The following GLS2 variants were observed in gnomAD, a reference collection of about 807,000 sequenced individuals.
GLS2 encodes the protein glutaminase liver isoform, mitochondrial.
GLS2 carries 52 observed loss-of-function variants against 79.0 expected under a neutral mutation model. That is an observed-to-expected ratio of 0.66 (90% confidence interval 0.53 to 0.83). The LOEUF is 0.83. GLS2 is among the 40% of genes least tolerant of loss of function. GLS2 has a pLI of 0.00. For missense variants in GLS2, 561 were observed against 764.8 expected (o/e 0.73, Z 3.14); for synonymous variants, 238 against 280.8 (o/e 0.85, Z 1.52).
intron 17 of GLS2, 45 bp from the exon 18 acceptor site, chr12:56,471,688 T>A: frequency 6.2e-7 from 1 of 1,611,888 alleles, no homozygotes; most frequent in South Asian, 1.1e-5. Flanking sequence ...ACGTGGAGAG[T>A]GGTGGTTGTA....
rs1187458316 is a variant in GLS2, at chr12:56,473,407, C to T, written c.1356+56G>A. ...TGCTTTATTATAGTAAAAGTGGTAC[C>T]ATTAAACAAATTTATTGCTTCAAAA... On this transcript the variant is annotated intron_variant, in intron 13 of 17. Transcript: ENST00000311966. 2.5e-6 allele frequency: 4 copies of T among 1,602,930 alleles called. No individual in the cohort carries two copies. In the African/African-American group the frequency reaches 4.0e-5, roughly 16 times the overall value.
intron 1 of GLS2, among the ~76,000 whole-genome samples, chr12:56,485,849 C>T (rs1870638289): frequency 6.6e-6 from 1 of 151,700 alleles, no homozygotes. Context: ...TGAGACCAGC[C>T]TGGCCAACAT....
chr12:56,472,821 C>G (rs906384806), intron 14 of GLS2, 70 bp from the exon 15 acceptor site: 9 of 1,282,038 alleles, frequency 7.0e-6, no homozygotes, highest in Non-Finnish European at 1.0e-5. Context: ...TGTGACCCTC[C>G]TCCATGGATG....
chr12:56,480,361 G>A lies in GLS2; in HGVS notation c.209C>T (p.Ser70Phe), dbSNP rs1270986559. Residue 70 changes from serine to phenylalanine, a missense_variant, in exon 2 of 18, where the codon TCC becomes TTC. Around this residue, in one of 4 missense-constraint regions of GLS2, gnomAD observed 161 missense variants for 167.8 expected, o/e 0.96. Coordinates refer to ENST00000311966, the MANE Select transcript of GLS2 (RefSeq NM_013267.4). ...DHDSSESGML[S>F]RLGDLLFYTI... ...GTAAAAGAGCAAATCACCCAGGCGG[G>A]ACAGCATGCCACTTTCTGATGAATC... is the stretch of plus-strand genomic sequence containing the variant. The A allele has an allele frequency of 6.2e-7, 1 of 1,614,168 alleles. No individual in the cohort carries two copies. The highest frequency in any genetic ancestry group is 1.7e-5 in the Admixed American group (1 of 60,024).
Position 56,471,384 on chromosome 12 carries a change from C to A in GLS2, c.*103G>T. Reference sequence around the variant, plus strand: ...AAGTCACCAAATGACTGCTTGGTCCCCACTGAAGCAGTGTAGCTCTCCATA... The same window carrying A: ...AAGTCACCAAATGACTGCTTGGTCCACACTGAAGCAGTGTAGCTCTCCATA... On this transcript the variant is annotated 3_prime_UTR_variant, in exon 18 of 18. Coordinates refer to ENST00000311966, the MANE Select transcript of GLS2 (RefSeq NM_013267.4). The A allele has an allele frequency of 8.0e-7, 1 of 1,249,968 alleles. No homozygotes were observed. Among genetic ancestry groups the A allele is most frequent in the East Asian group, 2.4e-5 (1 of 41,466 alleles). The allele number at this position is 1,249,968 out of a possible 1,614,324, so 77.4% of individuals were successfully genotyped here.
chr12:56,472,380 T>C (rs568883105), intron 15 of GLS2, 185 bp from the exon 16 acceptor site: 2 of 618,370 alleles, frequency 3.2e-6, no homozygotes, highest in Non-Finnish European at 5.7e-6. Flanking sequence ...ATTAGAGAGA[T>C]GGGAATGTGA....
At position 56,471,279 on chromosome 12, in the gene GLS2, A is replaced by G; in HGVS notation, c.*208T>C. 1 of 546,016 alleles carries G rather than the reference A, an allele frequency of 1.8e-6. No individual in the cohort carries two copies. Among genetic ancestry groups the G allele is most frequent in the Non-Finnish European group, 3.2e-6 (1 of 313,774 alleles). The allele number at this position is 546,016 out of a possible 1,614,324, so 33.8% of individuals were successfully genotyped here. A position where few individuals can be genotyped will look rare whatever the true frequency, so the allele number is the denominator to read the frequency against. ...CAGTCTCTCTGGATAGCTGTACTGC[A>G]GGTGTCCTCTGAGGCCCTTCTCTGT... On this transcript the variant is annotated 3_prime_UTR_variant, in exon 18 of 18. Transcript: ENST00000311966.
intron 16 of GLS2, 128 bp downstream of exon 16, chr12:56,471,991 G>A (rs1869318231): frequency 7.8e-7 from 1 of 1,282,044 alleles, no homozygotes; most frequent in Middle Eastern, 2.5e-4. Context: ...GCTGCAAACC[G>A]AAGGGTGTCT....
chr12:56,487,670 C>T, intron 1 of GLS2: 1 of 523,108 alleles, frequency 1.9e-6, no homozygotes, highest in Non-Finnish European at 3.3e-6. Flanking sequence ...ACACTCGGCG[C>T]GCATCTGTGA....
At chr12:56,484,345 G>A (rs1870528660) in intron 1 of GLS2, among the ~76,000 whole-genome samples, 1 of 152,170 alleles carries the variant, frequency 6.6e-6, no homozygotes, top group Non-Finnish European at 1.5e-5. Context: ...AGGAAAAAGG[G>A]ATGGGAGGAT....
chr12:56,475,547 C>A, intron 9 of GLS2, 77 bp downstream of exon 9: 2 of 1,446,704 alleles, frequency 1.4e-6, no homozygotes, highest in Non-Finnish European at 1.9e-6. Context: ...CTCTCTCCCC[C>A]ATTCCTCTTG....
chr12:56,477,597 A>G, intron 7 of GLS2, 63 bp downstream of exon 7: 1 of 1,501,638 alleles, frequency 6.7e-7, no homozygotes, highest in Non-Finnish European at 9.1e-7. Context: ...AACAAATATG[A>G]GGGATACAGG....
At chr12:56,480,419 G>A in intron 1 of GLS2, 32 bp from the exon 2 acceptor site, 1 of 1,571,404 alleles carries the variant, frequency 6.4e-7, no homozygotes, top group Non-Finnish European at 8.8e-7. Context: ...GGAGGAAAGT[G>A]GGGCCTGAGA....
chr12:56,482,113 C>T (rs1207411520), intron 1 of GLS2, among the ~76,000 whole-genome samples: 1 of 152,080 alleles, frequency 6.6e-6, no homozygotes, highest in African/African-American at 2.4e-5. Flanking sequence ...CTTCTGTAAT[C>T]TCAGCTACTT....
intron 3 of GLS2, chr12:56,479,405 GAAAA>G: frequency 2.0e-6 from 1 of 489,242 alleles, no homozygotes; most frequent in East Asian, 3.4e-5. Context: ...TGGGATATGA[GAAAA>G]AAAATAAATA....
At chr12:56,473,406 C>T (rs1463109266) in intron 13 of GLS2, 57 bp downstream of exon 13, 4 of 1,602,704 alleles carry the variant, frequency 2.5e-6, no homozygotes, top group African/African-American at 2.7e-5. Context: ...AAAAGTGGTA[C>T]CATTAAACAA....
Position 56,475,059 on chromosome 12 carries a change from A to G in GLS2, c.981T>C (p.Tyr327=). The change falls in exon 10 of 18, where the codon TAT becomes TAC. Residue 327 remains tyrosine (Y), a synonymous_variant. Coordinates refer to ENST00000311966, the MANE Select transcript of GLS2 (RefSeq NM_013267.4). ...TGDRNYAIGY[Y]LKEKKCFPKG... Reference sequence around the variant, plus strand: ...TTCTGGTTACCTTCTTTTCCTTGAGATAATAGCCGATGGCATAATTCCGAT... The same window carrying G: ...TTCTGGTTACCTTCTTTTCCTTGAGGTAATAGCCGATGGCATAATTCCGAT... 1.2e-6 allele frequency: 2 copies of G among 1,614,196 alleles called. No homozygotes were observed. The highest frequency in any genetic ancestry group is 1.7e-6 in the Non-Finnish European group (2 of 1,180,046).
intron 4 of GLS2, chr12:56,478,721 G>T: frequency 3.6e-6 from 1 of 275,858 alleles, no homozygotes; most frequent in South Asian, 4.8e-5. Flanking sequence ...ATCTAGGTGT[G>T]GTGGCTCATG....
At chr12:56,478,151 C>A (rs1367905683) in intron 5 of GLS2, 32 bp downstream of exon 5, 1 of 1,614,040 alleles carries the variant, frequency 6.2e-7, no homozygotes, top group Non-Finnish European at 8.5e-7. Flanking sequence ...CACCTGTGCC[C>A]TGCCTCCCCT....
Sources: allele counts gnomAD v4.1 joint callset (sites outside exome capture counted in the v4.1 genomes callset), GRCh38; gene constraint gnomAD v4.1.1; regional missense constraint gnomAD v4.1.1; transcripts MANE v1.5; gene names NCBI Gene and HGNC (gene_info 2026-07-23, HGNC 2026-07-21).